The following RARB variants were observed in gnomAD, a reference collection of about 807,000 sequenced individuals.
The protein encoded by RARB is retinoic acid receptor beta, also known as HBV-activated protein.
Under a neutral mutation model 51.9 loss-of-function variants are expected in RARB, and 17 were observed. That is an observed-to-expected ratio of 0.33 (90% CI 0.22 to 0.49). RARB has a LOEUF of 0.49. Ranked by LOEUF, RARB falls within the 20% of genes least tolerant of loss-of-function variation. The pLI is 0.99. For synonymous variants in RARB, 215 were observed against 195.4 expected (o/e 1.10, Z -0.84); for missense variants, 369 against 550.8 (o/e 0.67, Z 3.30).
intron 2 of RARB, among the ~76,000 whole-genome samples, chr3:24,886,107 C>T (rs1703261014): frequency 6.6e-6 from 1 of 152,166 alleles, no homozygotes; most frequent in Non-Finnish European, 1.5e-5. Context: ...GCCCCTAGGT[C>T]TCTGTAGAAT....
At chr3:25,348,484 G>A (rs546409377) in intron 5 of RARB, among the ~76,000 whole-genome samples, 6 of 150,900 alleles carry the variant, frequency 4.0e-5, no homozygotes, top group South Asian at 4.3e-4. Context: ...TTGGCCATTT[G>A]AGACAGGTTA....
chr3:24,900,767 G>T (rs765935824), intron 2 of RARB, among the ~76,000 whole-genome samples: 2 of 152,162 alleles, frequency 1.3e-5, no homozygotes, highest in African/African-American at 4.8e-5. Context: ...TCTAATTTGA[G>T]CACAGCAGCA....
intron 3 of RARB, among the ~76,000 whole-genome samples, chr3:25,120,794 C>G (rs1699772060): frequency 2.0e-5 from 3 of 152,090 alleles, no homozygotes; most frequent in Non-Finnish European, 2.9e-5. Context: ...AGATTTAGAT[C>G]AGGAATCCTC....
intron 2 of RARB, among the ~76,000 whole-genome samples, chr3:24,892,884 C>T (rs2125365419): frequency 6.6e-6 from 1 of 152,328 alleles, no homozygotes; most frequent in East Asian, 1.9e-4. Context: ...GTTAACCTGC[C>T]TGCCATTGGG....
chr3:25,511,822 G>T (rs1023444223), intron 3 of RARB, among the ~76,000 whole-genome samples: 1 of 152,152 alleles, frequency 6.6e-6, no homozygotes, highest in Non-Finnish European at 1.5e-5. Context: ...GGGAAGGAGG[G>T]TCTTGCTTTT....
intron 5 of RARB, among the ~76,000 whole-genome samples, chr3:25,178,888 C>G (rs2125356026): frequency 6.6e-6 from 1 of 152,248 alleles, no homozygotes; most frequent in South Asian, 2.1e-4. Flanking sequence ...TCTTTATGTT[C>G]CTTTCATGGC....
At chr3:25,027,999 A>C (rs1697787553) in intron 2 of RARB, among the ~76,000 whole-genome samples, 2 of 152,102 alleles carry the variant, frequency 1.3e-5, no homozygotes, top group African/African-American at 4.8e-5. Flanking sequence ...CCCTTCTGTA[A>C]ATATGCCTTC....
intron 2 of RARB, among the ~76,000 whole-genome samples, chr3:25,048,968 G>A (rs1296377905): frequency 6.6e-6 from 1 of 152,012 alleles, no homozygotes; most frequent in Non-Finnish European, 1.5e-5. Flanking sequence ...TAGCCAGGAT[G>A]GTCTCGATCT....
chr3:25,277,799 A>G (rs953147466), intron 5 of RARB, among the ~76,000 whole-genome samples: 1 of 152,220 alleles, frequency 6.6e-6, no homozygotes, highest in Non-Finnish European at 1.5e-5. Context: ...CACTTTTTAC[A>G]AAGTGAACAC....
At position 25,091,276 on chromosome 3, in the gene RARB, G is replaced by A. The variant is rs73044564; in HGVS notation, c.-328+31100G>A. On this transcript the variant is annotated intron_variant, in intron 3 of 11. Transcript: ENST00000383772. ...GCTGTCTGGATGCCTTCTGAGGTTC[G>A]AAGATACACATCTCTTTATGACAAA... is the stretch of plus-strand genomic sequence containing the variant. Among the ~76,000 whole-genome samples, 914 of 152,270 alleles carry A rather than the reference G, an allele frequency of 6.0e-3. 7 individuals carry two copies. The highest frequency in any genetic ancestry group is 0.02 in the African/African-American group (824 of 41,560).
intron 5 of RARB, among the ~76,000 whole-genome samples, chr3:25,357,490 T>G (rs1705779362): frequency 6.6e-6 from 1 of 152,234 alleles, no homozygotes; most frequent in South Asian, 2.1e-4. Context: ...TAGTTTCTTT[T>G]GCTGTGCAGA....
At chr3:25,556,459 A>T (rs1700063470) in intron 3 of RARB, among the ~76,000 whole-genome samples, 1 of 152,122 alleles carries the variant, frequency 6.6e-6, no homozygotes, top group African/African-American at 2.4e-5. Context: ...AAGTAGAAAA[A>T]TTTTCTAGTT....
chr3:25,167,342 G>T (rs541636269), intron 4 of RARB, among the ~76,000 whole-genome samples: 3 of 152,132 alleles, frequency 2.0e-5, no homozygotes, highest in Non-Finnish European at 4.4e-5. Flanking sequence ...AATCATCAAA[G>T]ATAACAAGAA....
At chr3:25,574,644 C>T (rs1700850483) in intron 4 of RARB, among the ~76,000 whole-genome samples, 1 of 152,176 alleles carries the variant, frequency 6.6e-6, no homozygotes, top group Non-Finnish European at 1.5e-5. Context: ...GGTAAGCTGT[C>T]CTCCGAGGGG....
At chr3:25,561,828 A>G (rs17526721) in intron 3 of RARB, among the ~76,000 whole-genome samples, 7,740 of 152,308 alleles carry the variant, frequency 0.051, 241 homozygotes, top group Non-Finnish European at 0.076. Context: ...TTGAAAGCCC[A>G]TAACTTGTTA....
At chr3:25,124,932 T>C (rs1365469568) in intron 3 of RARB, among the ~76,000 whole-genome samples, 2 of 152,200 alleles carry the variant, frequency 1.3e-5, no homozygotes, top group African/African-American at 2.4e-5. Flanking sequence ...TTGGTTAATA[T>C]AGAAGAAGGC....
chr3:25,191,700 G>A (rs978944627), intron 5 of RARB, among the ~76,000 whole-genome samples: 4 of 152,050 alleles, frequency 2.6e-5, no homozygotes, highest in African/African-American at 9.7e-5. Flanking sequence ...ATCTATGCAA[G>A]GATTTGAAAT....
intron 2 of RARB, among the ~76,000 whole-genome samples, chr3:24,978,101 C>T (rs1696559183): frequency 6.6e-6 from 1 of 152,058 alleles, no homozygotes; most frequent in African/African-American, 2.4e-5. Flanking sequence ...GGGATGGAGC[C>T]CACTTGATCA....
At chr3:25,254,288 T>C (rs967282216) in intron 5 of RARB, among the ~76,000 whole-genome samples, 9 of 152,316 alleles carry the variant, frequency 5.9e-5, no homozygotes, top group Admixed American at 2.6e-4. Flanking sequence ...TTACTTTCCA[T>C]GTCCCCATTA....
Sources: allele counts gnomAD v4.1 joint callset (sites outside exome capture counted in the v4.1 genomes callset), GRCh38; gene constraint gnomAD v4.1.1; transcripts MANE v1.5; gene names NCBI Gene and HGNC (gene_info 2026-07-23, HGNC 2026-07-21).